Variants in ANKRD30A observed in about 807,000 individuals in gnomAD.
The protein encoded by ANKRD30A is ankyrin repeat domain-containing protein 30A.
Under a neutral mutation model 166.3 loss-of-function variants are expected in ANKRD30A, and 170 were observed. That is an observed-to-expected ratio of 1.02 (90% CI 0.90 to 1.16). ANKRD30A has a LOEUF of 1.16. ANKRD30A is among the 50% of genes most tolerant of loss of function. ANKRD30A has a pLI of 0.00. For missense variants in ANKRD30A, 1,630 were observed against 1,518.0 expected, an observed-to-expected ratio of 1.07 and a Z score of -1.23; for synonymous variants, 564 against 508.9, an observed-to-expected ratio of 1.11 and a Z score of -1.46.
Position 37,154,602 on chromosome 10 carries a change from G to C in ANKRD30A, c.1798+940G>C, listed in dbSNP as rs187229744. On this transcript the variant is annotated intron_variant, in intron 13 of 35. Coordinates refer to ENST00000361713, the MANE Select transcript of ANKRD30A (RefSeq NM_052997.3). The stretch of plus-strand genomic sequence containing the variant: ...GGAAGATACTACCACTAAACAAAAG[G>C]AAAGAGTGGGAAAAAAATTTTCACA... Among the ~76,000 whole-genome samples the C allele has an allele frequency of 9.2e-5, 14 of 152,234 alleles. 1 individual carries two copies. The East Asian group carries it at 2.5e-3, about 27-fold the overall frequency.
chr10:37,243,482 C>T, the ANKRD30A span, among the ~76,000 whole-genome samples: 6 of 151,998 alleles, frequency 3.9e-5, no homozygotes, highest in Admixed American at 2.0e-4. Flanking sequence ...TATCTGCTAA[C>T]AAGAGCACCC....
chr10:37,251,437 T>C, the ANKRD30A span, among the ~76,000 whole-genome samples: 2 of 152,174 alleles, frequency 1.3e-5, no homozygotes, highest in Non-Finnish European at 2.9e-5. Context: ...AGGACCCTTG[T>C]CTAACACAGG....
chr10:37,161,640 C>T (rs867188134), intron 15 of ANKRD30A, among the ~76,000 whole-genome samples: 8 of 151,810 alleles, frequency 5.3e-5, no homozygotes, highest in African/African-American at 7.3e-5. Context: ...CAGAGACTAC[C>T]GGAAGCAGGA....
Position 37,138,947 on chromosome 10 carries a change from G to A in ANKRD30A, c.820+2276G>A, listed in dbSNP as rs192291402. On this transcript the variant is annotated intron_variant, in intron 6 of 35. Coordinates refer to ENST00000361713, the MANE Select transcript of ANKRD30A (RefSeq NM_052997.3). Reference sequence around the variant, plus strand: ...TTGGCAGATTCACCAAAGTTGAAATGAGGAAAAAATGTCAAGGGCAGCCAG... The same window carrying A: ...TTGGCAGATTCACCAAAGTTGAAATAAGGAAAAAATGTCAAGGGCAGCCAG... 3.8e-3 allele frequency among the ~76,000 whole-genome samples: 579 copies of A among 152,216 alleles called. 4 individuals carry two copies. The highest frequency in any genetic ancestry group is 0.013 in the African/African-American group (549 of 41,540).
At chr10:37,233,117 A>G (rs1181312298), downstream of ANKRD30A, among the ~76,000 whole-genome samples, 1 of 152,090 alleles carries the variant, frequency 6.6e-6, no homozygotes, top group Non-Finnish European at 1.5e-5. Context: ...ACCTGGCTTC[A>G]TATTCTAAAA....
At chr10:37,130,648 T>C (rs1836329312) in intron 3 of ANKRD30A, among the ~76,000 whole-genome samples, 1 of 152,214 alleles carries the variant, frequency 6.6e-6, no homozygotes. Flanking sequence ...AGTTTTTTTT[T>C]CTTTCCAATT....
intron 9 of ANKRD30A, among the ~76,000 whole-genome samples, chr10:37,148,062 A>G (rs1837638686): frequency 7.0e-6 from 1 of 142,602 alleles, no homozygotes; most frequent in Admixed American, 7.1e-5. Flanking sequence ...TACACTCAGT[A>G]TAGACAAATA....
intron 33 of ANKRD30A, 77 bp downstream of exon 33, chr10:37,217,955 A>G: frequency 5.5e-6 from 6 of 1,093,038 alleles, no homozygotes; most frequent in Non-Finnish European, 7.5e-6. Context: ...CCTTTGATTT[A>G]GTATGTATTA....
the ANKRD30A span, chr10:37,248,170 C>T: frequency 7.9e-6 from 5 of 635,194 alleles, 1 homozygote; most frequent in South Asian, 6.8e-5. Context: ...AGGTCTTGCA[C>T]TCGGGAGAGC....
downstream of ANKRD30A, among the ~76,000 whole-genome samples, chr10:37,237,362 GTTAGATGCAACCATA>G (rs2132777003): frequency 1.3e-5 from 2 of 152,272 alleles, no homozygotes; most frequent in East Asian, 3.9e-4. Flanking sequence ...TTTAAAAACA[GTTAGATGCAACCATA>G]TTATATAAAA....
At chr10:37,156,360 C>T (rs1227675640) in intron 13 of ANKRD30A, among the ~76,000 whole-genome samples, 1 of 151,954 alleles carries the variant, frequency 6.6e-6, no homozygotes, top group East Asian at 1.9e-4. Flanking sequence ...CAGTGTACCC[C>T]TTTATAAAAA....
At chr10:37,158,212 G>GT (rs1371402471) in intron 13 of ANKRD30A, among the ~76,000 whole-genome samples, 180 bp from the exon 14 acceptor site, 2 of 151,964 alleles carry the variant, frequency 1.3e-5, no homozygotes, top group African/African-American at 4.8e-5. Context: ...ATTTTCTTAG[G>GT]TATATTTCTG....
At chr10:37,195,858 G>T (rs1045869133) in intron 27 of ANKRD30A, among the ~76,000 whole-genome samples, 5 of 152,090 alleles carry the variant, frequency 3.3e-5, no homozygotes, top group African/African-American at 7.2e-5. Context: ...GGGAAAAATT[G>T]GAAGAAGAGC....
At chr10:37,191,852 G>A (rs896120516) in intron 25 of ANKRD30A, among the ~76,000 whole-genome samples, 6 of 151,994 alleles carry the variant, frequency 3.9e-5, no homozygotes, top group East Asian at 1.9e-4. Context: ...AAAATCAGCC[G>A]GGCGTGGTGG....
chr10:37,149,873 C>A (rs1427268389), intron 11 of ANKRD30A, 24 bp downstream of exon 11: 1 of 1,611,146 alleles, frequency 6.2e-7, no homozygotes, highest in African/African-American at 1.3e-5. Context: ...TTTAACTATG[C>A]AAAGACGAAT....
intron 11 of ANKRD30A, 109 bp downstream of exon 11, chr10:37,149,958 G>T: frequency 6.9e-7 from 1 of 1,452,712 alleles, no homozygotes; most frequent in East Asian, 2.4e-5. Flanking sequence ...GAAAACATTT[G>T]ATCTAGATAA....
chr10:37,209,693 A>G (rs1842179866), intron 31 of ANKRD30A, among the ~76,000 whole-genome samples: 1 of 152,110 alleles, frequency 6.6e-6, no homozygotes, highest in South Asian at 2.1e-4. Context: ...TTTTTCTAAA[A>G]TATTTGGTAG....
the ANKRD30A span, among the ~76,000 whole-genome samples, chr10:37,261,238 G>GA: frequency 1.3e-5 from 2 of 152,014 alleles, no homozygotes; most frequent in African/African-American, 2.4e-5. Flanking sequence ...AGACATCCTT[G>GA]AAAAAACAAG....
intron 31 of ANKRD30A, among the ~76,000 whole-genome samples, chr10:37,213,959 A>G (rs978338400): frequency 5.9e-5 from 9 of 151,668 alleles, no homozygotes; most frequent in Admixed American, 2.6e-4. Context: ...AGTCTATCAC[A>G]TTCTTGCCGA....
Sources: allele counts gnomAD v4.1 joint callset (sites outside exome capture counted in the v4.1 genomes callset), GRCh38; gene constraint gnomAD v4.1.1; transcripts MANE v1.5; gene names NCBI Gene and HGNC (gene_info 2026-07-23, HGNC 2026-07-21).